The following ENPP1 variants were observed in gnomAD, a reference collection of about 807,000 sequenced individuals.
ENPP1 encodes ectonucleotide pyrophosphatase/phosphodiesterase 1.
Under a neutral mutation model 122.8 loss-of-function variants are expected in ENPP1, and 73 were observed. The ratio of observed to expected loss-of-function variants is 0.59; its 90% CI spans 0.49 to 0.72. The LOEUF (loss-of-function observed/expected upper bound fraction) is 0.72. ENPP1 is among the 30% of genes least tolerant of loss of function. The pLI, the probability that ENPP1 is intolerant of heterozygous loss-of-function variation, is 0.00. For missense variants in ENPP1, 978 were observed against 1,128.1 expected (o/e 0.87, Z 1.91); for synonymous variants, 367 against 391.6 (o/e 0.94, Z 0.74).
At chr6:131,836,666 C>T (rs574551961) in intron 1 of ENPP1, among the ~76,000 whole-genome samples, 64 of 152,214 alleles carry the variant, frequency 4.2e-4, no homozygotes, top group African/African-American at 1.2e-3. Context: ...TGATGGCATA[C>T]GTCCAGCAAT....
intron 20 of ENPP1, among the ~76,000 whole-genome samples, chr6:131,881,023 C>T (rs919140601): frequency 2.0e-5 from 3 of 151,984 alleles, no homozygotes; most frequent in South Asian, 2.1e-4. Context: ...TTTGATCTTA[C>T]GTGGAATTGA....
intron 4 of ENPP1, 152 bp downstream of exon 4, chr6:131,851,419 C>CT: frequency 1.1e-6 from 1 of 870,898 alleles, no homozygotes; most frequent in African/African-American, 1.7e-5. Context: ...ATTAAAGAAA[C>CT]TTTTAAACAT....
At chr6:131,881,447 G>A (rs78409771) in intron 20 of ENPP1, among the ~76,000 whole-genome samples, 2,092 of 152,150 alleles carry the variant, frequency 0.014, 56 homozygotes, top group African/African-American at 0.048. Context: ...TAATTAAAAT[G>A]CATAACTTTA....
chr6:131,883,840 A>T, intron 22 of ENPP1, 66 bp downstream of exon 22: 2 of 822,562 alleles, frequency 2.4e-6, no homozygotes, highest in South Asian at 1.4e-5. Flanking sequence ...CATAATTCAT[A>T]TGTAATAGGA....
At chr6:131,826,795 C>A in intron 1 of ENPP1, 1 of 425,550 alleles carries the variant, frequency 2.3e-6, no homozygotes, top group South Asian at 2.4e-5. Context: ...TCCTGAAAGC[C>A]GTCTAACTGC....
intron 6 of ENPP1, among the ~76,000 whole-genome samples, chr6:131,857,089 A>G (rs146919556): frequency 0.026 from 3,984 of 152,158 alleles, 177 homozygotes; most frequent in African/African-American, 0.087. Flanking sequence ...GCAAATCAAA[A>G]CCACTATGAG....
chr6:131,874,557 G>A (rs1218057907), intron 16 of ENPP1, among the ~76,000 whole-genome samples: 2 of 152,106 alleles, frequency 1.3e-5, no homozygotes, highest in Admixed American at 1.3e-4. Flanking sequence ...TAGTAAGGAT[G>A]TGGAGAAAAG....
rs1157516559 is a variant in ENPP1 at position 131,886,742 on chromosome 6, A to T, written c.2607+18A>T. ...GCTGTGTGGTAAGTAGCTTTTGTAT[A>T]TTTACTTTGCATGTTGAAAATCTAG... On this transcript the variant is annotated intron_variant, in intron 24 of 24. Coordinates refer to ENST00000647893, the MANE Select transcript of ENPP1 (RefSeq NM_006208.3). 1 of 1,606,582 alleles carries T rather than the reference A, an allele frequency of 6.2e-7. No individual in the cohort carries two copies. Among genetic ancestry groups the T allele is most frequent in the East Asian group, 2.2e-5 (1 of 44,774 alleles).
At chr6:131,816,604 A>T (rs1411741928) in intron 1 of ENPP1, among the ~76,000 whole-genome samples, 3 of 152,240 alleles carry the variant, frequency 2.0e-5, no homozygotes, top group Non-Finnish European at 1.5e-5. Flanking sequence ...TCAGTTAAAT[A>T]TTAACGGGAA....
At chr6:131,864,663 G>C (rs1461169413) in intron 10 of ENPP1, 92 bp downstream of exon 10, 10 of 941,522 alleles carry the variant, frequency 1.1e-5, no homozygotes, top group Admixed American at 2.0e-5. Context: ...TTTGCTATTT[G>C]CTATGATGTT....
chr6:131,889,195 C>T (rs562626215), intron 24 of ENPP1, among the ~76,000 whole-genome samples: 12 of 152,276 alleles, frequency 7.9e-5, no homozygotes, highest in Non-Finnish European at 1.5e-4. Context: ...TTACCTGATA[C>T]GATTGTCACA....
chr6:131,842,354 C>A (rs1781752369), intron 1 of ENPP1, among the ~76,000 whole-genome samples: 1 of 152,152 alleles, frequency 6.6e-6, no homozygotes, highest in South Asian at 2.1e-4. Context: ...TATATATGGT[C>A]ACCACTATGT....
At chr6:131,826,380 C>T (rs1781546383) in intron 1 of ENPP1, 2 of 1,038,492 alleles carry the variant, frequency 1.9e-6, no homozygotes, top group Non-Finnish European at 3.0e-6. Context: ...GCTGCTAGGG[C>T]AGATTCTCAA....
chr6:131,817,272 T>C (rs559713244), intron 1 of ENPP1, among the ~76,000 whole-genome samples: 1 of 152,364 alleles, frequency 6.6e-6, no homozygotes, highest in South Asian at 2.1e-4. Context: ...GGCCTGCTGT[T>C]GGGTTTCCAA....
chr6:131,873,737 C>A (rs144313397), intron 15 of ENPP1, among the ~76,000 whole-genome samples: 1 of 151,998 alleles, frequency 6.6e-6, no homozygotes, highest in East Asian at 1.9e-4. Flanking sequence ...CAAGCAAAAC[C>A]TAAGCAGTGA....
At chr6:131,830,818 A>T (rs1349193008) in intron 1 of ENPP1, among the ~76,000 whole-genome samples, 1 of 151,758 alleles carries the variant, frequency 6.6e-6, no homozygotes, top group African/African-American at 2.4e-5. Context: ...AAACAATAAT[A>T]AAAAAAATAG....
At chr6:131,826,997 T>G in intron 1 of ENPP1, 3 of 484,488 alleles carry the variant, frequency 6.2e-6, no homozygotes, top group South Asian at 6.0e-5. Context: ...GATGGTCTAC[T>G]ACCAGAGATG....
Position 131,880,057 on chromosome 6 carries a change from T to C in ENPP1, c.2100+23T>C, listed in dbSNP as rs371149655. The C allele has an allele frequency of 1.2e-5, 19 of 1,608,474 alleles. No individual in the cohort carries two copies. The African/African-American group carries it at 2.5e-4, about 22-fold the overall frequency. ...AATGCAAGTATTTGTCACCTCTTTATGTGTGGCCATTTCAAATTAATGATT... is the reference window on the plus strand; with the variant it reads ...AATGCAAGTATTTGTCACCTCTTTACGTGTGGCCATTTCAAATTAATGATT... On this transcript the variant is annotated intron_variant, in intron 20 of 24. Transcript: ENST00000647893.
At chr6:131,881,560 G>C (rs952785114) in intron 20 of ENPP1, among the ~76,000 whole-genome samples, 2 of 152,104 alleles carry the variant, frequency 1.3e-5, no homozygotes, top group Non-Finnish European at 2.9e-5. Context: ...GATAGACTCA[G>C]ATCTCTAAAA....
Sources: allele counts gnomAD v4.1 joint callset (sites outside exome capture counted in the v4.1 genomes callset), GRCh38; gene constraint gnomAD v4.1.1; transcripts MANE v1.5; gene names NCBI Gene and HGNC (gene_info 2026-07-23, HGNC 2026-07-21).